Variants in CDYL2 observed in about 807,000 individuals in gnomAD.
CDYL2 encodes chromodomain Y like 2, also known as chromodomain Y-like protein 2.
A neutral mutation model predicts 49.4 loss-of-function variants in CDYL2; 23 were observed. The observed-to-expected ratio is 0.47, with a 90% CI of 0.34 to 0.66. The LOEUF is 0.66. CDYL2 is among the 30% of genes least tolerant of loss of function. The pLI is 0.01. For synonymous variants in CDYL2, 360 were observed against 268.8 expected, an observed-to-expected ratio of 1.34 and a Z score of -3.32; for missense variants, 678 against 656.4, an observed-to-expected ratio of 1.03 and a Z score of -0.36.
In CDYL2 at chr16:80,633,125, T is replaced by C. The variant is rs1287168472; in HGVS notation, c.728A>G (p.Asn243Ser). The change falls in exon 3 of 7, where the codon AAT becomes AGT. Residue 243 changes from asparagine (N) to serine (S), a missense_variant. Physicochemically the swap from Asn to Ser is conservative, Grantham distance 46. Around this residue, in one of 3 missense-constraint regions of CDYL2, gnomAD observed 478 missense variants for 427.0 expected, o/e 1.12. Transcript: ENST00000570137. ...GTCTCGAAACCGACAGTTGCTTTCA[T>C]TCTGGCGGACACTGTATCTGAGCCT... is the stretch of plus-strand genomic sequence containing the variant. ...DKRLRYSVRQ[N>S]ESNCRFRDIV... The C allele has an allele frequency of 5.0e-6, 8 of 1,614,224 alleles. No homozygotes were observed. The highest frequency in any genetic ancestry group is 2.2e-5 in the South Asian group (2 of 91,082).
At chr16:80,777,163 CAGA>C (rs1033425692) in intron 1 of CDYL2, among the ~76,000 whole-genome samples, 3 of 151,998 alleles carry the variant, frequency 2.0e-5, no homozygotes, top group African/African-American at 4.8e-5. Flanking sequence ...AGCAGAAATT[CAGA>C]AGAAGAGTTA....
intron 2 of CDYL2, among the ~76,000 whole-genome samples, chr16:80,653,216 G>C (rs1426044637): frequency 6.6e-6 from 1 of 152,146 alleles, no homozygotes; most frequent in East Asian, 1.9e-4. Flanking sequence ...CTGTAATCCT[G>C]GCACTTTGGG....
At chr16:80,710,493 T>C (rs116493579) in intron 1 of CDYL2, among the ~76,000 whole-genome samples, 1,955 of 152,330 alleles carry the variant, frequency 0.013, 31 homozygotes, top group African/African-American at 0.045. Context: ...CTGACGTGGA[T>C]GTGCGTGTGT....
chr16:80,786,767 G>T (rs370494407), intron 1 of CDYL2, among the ~76,000 whole-genome samples: 7 of 152,164 alleles, frequency 4.6e-5, no homozygotes, highest in South Asian at 2.1e-4. Flanking sequence ...CATGTCCCTT[G>T]TAGGGACACG....
chr16:80,790,537 T>C (rs1907575746), intron 1 of CDYL2, among the ~76,000 whole-genome samples: 1 of 152,236 alleles, frequency 6.6e-6, no homozygotes, highest in Non-Finnish European at 1.5e-5. Flanking sequence ...CTCTCATATA[T>C]ACCATATTCC....
intron 1 of CDYL2, among the ~76,000 whole-genome samples, chr16:80,716,000 A>G (rs1167380256): frequency 6.6e-6 from 1 of 152,260 alleles, no homozygotes; most frequent in African/African-American, 2.4e-5. Flanking sequence ...TTGGGCAGAG[A>G]GCTAAATCTC....
chr16:80,658,653 A>G (rs761421849), intron 2 of CDYL2, among the ~76,000 whole-genome samples: 1 of 152,222 alleles, frequency 6.6e-6, no homozygotes. Context: ...AGGTATTGGT[A>G]AGAATTCATG....
At chr16:80,627,914 T>A (rs983749933) in intron 3 of CDYL2, 1 of 152,232 alleles carries the variant, frequency 6.6e-6, no homozygotes, top group Admixed American at 6.5e-5. Context: ...AGACTCCCCC[T>A]CTATGACCTC....
intron 2 of CDYL2, among the ~76,000 whole-genome samples, chr16:80,650,886 T>C (rs540311573): frequency 6.7e-6 from 1 of 148,232 alleles, no homozygotes; most frequent in South Asian, 2.1e-4. Flanking sequence ...AGGCATTACC[T>C]GATTTCACTT....
rs1171445337 is a variant in CDYL2 at position 80,684,734 on chromosome 16, G to A, written c.420C>T (p.Thr140=). The change falls in exon 2 of 7, where the codon ACC becomes ACT. Residue 140 remains threonine (T), a synonymous_variant. Transcript: ENST00000570137. The part of the protein sequence containing the change: ...RATKTVSYRT[T]PSGLQIMPLK... The stretch of plus-strand genomic sequence containing the variant: ...GGGGCATTATTTGCAAACCACTGGG[G>A]GTAGTCCTGTAAGACACCGTCTTGG... 6.2e-7 allele frequency: 1 copy of A among 1,614,142 alleles called. No individual in the cohort carries two copies. Among genetic ancestry groups the A allele is most frequent in the Non-Finnish European group, 8.5e-7 (1 of 1,180,036 alleles).
intron 6 of CDYL2, among the ~76,000 whole-genome samples, chr16:80,606,336 C>T (rs886479883): frequency 2.0e-5 from 3 of 151,340 alleles, no homozygotes; most frequent in African/African-American, 7.4e-5. Flanking sequence ...GACCTCCTTG[C>T]AGTATTCCTT....
intron 1 of CDYL2, among the ~76,000 whole-genome samples, chr16:80,765,011 G>C (rs1381747658): frequency 7.0e-6 from 1 of 142,424 alleles, no homozygotes; most frequent in Non-Finnish European, 1.5e-5. Context: ...AGTGAGCCGA[G>C]ATCGCGCCAC....
intron 1 of CDYL2, among the ~76,000 whole-genome samples, chr16:80,714,738 C>T (rs1177307722): frequency 5.9e-5 from 9 of 152,180 alleles, no homozygotes; most frequent in East Asian, 1.9e-4. Context: ...CTGCATTCTA[C>T]GCTCAATCCA....
At chr16:80,725,489 C>T (rs1172322641) in intron 1 of CDYL2, among the ~76,000 whole-genome samples, 1 of 152,234 alleles carries the variant, frequency 6.6e-6, no homozygotes, top group Non-Finnish European at 1.5e-5. Flanking sequence ...AGCATAGCTC[C>T]TGGCCCACAG....
intron 2 of CDYL2, among the ~76,000 whole-genome samples, chr16:80,683,954 C>T (rs1004548216): frequency 1.3e-5 from 2 of 152,204 alleles, no homozygotes; most frequent in Admixed American, 1.3e-4. Flanking sequence ...GCAGCCTGAA[C>T]AGACTAAGAC....
In CDYL2 at chr16:80,601,791, C is replaced by T. The variant is rs1906096627; in HGVS notation, c.*2597G>A. The T allele has an allele frequency of 6.6e-6, 1 of 152,182 alleles. No homozygotes were observed. The allele number at this position is 152,182 out of a possible 1,614,324, so 9.4% of individuals were successfully genotyped here. ...AAACAACCAAAATACAGACTTTCAC[C>T]ACCCCCGTTACACCCAGGACCTGTG... On this transcript the variant is annotated 3_prime_UTR_variant, in exon 7 of 7. Coordinates refer to ENST00000570137, the MANE Select transcript of CDYL2 (RefSeq NM_152342.4).
At chr16:80,698,211 G>GCATAAAAATAGACA (rs1448874416) in intron 1 of CDYL2, among the ~76,000 whole-genome samples, 1 of 152,040 alleles carries the variant, frequency 6.6e-6, no homozygotes, top group Admixed American at 6.5e-5. Flanking sequence ...AGATTTCATG[G>GCATAAAAATAGACA]CTAAGACCTC....
chr16:80,636,654 C>T (rs1212752502), intron 2 of CDYL2, among the ~76,000 whole-genome samples: 1 of 152,126 alleles, frequency 6.6e-6, no homozygotes, highest in Non-Finnish European at 1.5e-5. Flanking sequence ...GGCGATTCCT[C>T]AAGGATCTAG....
chr16:80,702,029 G>T (rs1904303891), intron 1 of CDYL2, among the ~76,000 whole-genome samples: 1 of 152,142 alleles, frequency 6.6e-6, no homozygotes, highest in Admixed American at 6.5e-5. Flanking sequence ...TCAAATATCA[G>T]TGCCAAATAG....
Sources: allele counts gnomAD v4.1 joint callset (sites outside exome capture counted in the v4.1 genomes callset), GRCh38; gene constraint gnomAD v4.1.1; regional missense constraint gnomAD v4.1.1; transcripts MANE v1.5; gene names NCBI Gene and HGNC (gene_info 2026-07-23, HGNC 2026-07-21).